MYO1D: variants seen among roughly 807,000 people sequenced by gnomAD.
The protein encoded by MYO1D is myosin ID, also known as unconventional myosin-Id.
A neutral mutation model predicts 122.0 loss-of-function variants in MYO1D; 83 were observed. That is an observed-to-expected ratio of 0.68 (90% CI 0.57 to 0.82). The LOEUF is 0.82. MYO1D is among the 40% of genes least tolerant of loss of function. The pLI, the probability that MYO1D is intolerant of heterozygous loss-of-function variation, is 0.00. For missense variants in MYO1D, 1,157 were observed against 1,269.5 expected (o/e 0.91, Z 1.35); for synonymous variants, 464 against 446.9 (o/e 1.04, Z -0.48).
intron 19 of MYO1D, among the ~76,000 whole-genome samples, chr17:32,642,064 G>A (rs556131372): frequency 6.6e-6 from 1 of 152,272 alleles, no homozygotes; most frequent in South Asian, 2.1e-4. Flanking sequence ...ATGGTTTTAG[G>A]TCTAACATTT....
intron 16 of MYO1D, among the ~76,000 whole-genome samples, chr17:32,660,736 G>A (rs1382799909): frequency 6.6e-6 from 1 of 152,188 alleles, no homozygotes; most frequent in Non-Finnish European, 1.5e-5. Flanking sequence ...CATCTCATGT[G>A]GCGTCAGTAC....
intron 21 of MYO1D, among the ~76,000 whole-genome samples, chr17:32,580,506 T>C (rs1162434250): frequency 1.3e-5 from 2 of 149,514 alleles, no homozygotes; most frequent in Non-Finnish European, 3.0e-5. Flanking sequence ...GCCTCCCAGG[T>C]TCAAGCGATT....
intron 21 of MYO1D, among the ~76,000 whole-genome samples, chr17:32,563,359 A>G (rs1430474924): frequency 6.6e-6 from 1 of 151,268 alleles, no homozygotes; most frequent in East Asian, 1.9e-4. Flanking sequence ...ACAGACACGC[A>G]CCACTGTGCC....
At chr17:32,676,061 T>A (rs2088804574) in intron 16 of MYO1D, among the ~76,000 whole-genome samples, 1 of 152,170 alleles carries the variant, frequency 6.6e-6, no homozygotes, top group Non-Finnish European at 1.5e-5. Flanking sequence ...TCTCTTTTTT[T>A]TGGAGTGATA....
At chr17:32,764,231 A>G (rs924617209) in intron 8 of MYO1D, among the ~76,000 whole-genome samples, 1 of 152,230 alleles carries the variant, frequency 6.6e-6, no homozygotes, top group Non-Finnish European at 1.5e-5. Context: ...AACTCATAGA[A>G]GCAGAGAATA....
chr17:32,845,465 T>C (rs1014031575), intron 1 of MYO1D, among the ~76,000 whole-genome samples: 1 of 152,346 alleles, frequency 6.6e-6, no homozygotes, highest in South Asian at 2.1e-4. Flanking sequence ...TTTCAACTGA[T>C]GATTTCCAAA....
At chr17:32,818,955 G>C (rs2090637326) in intron 1 of MYO1D, among the ~76,000 whole-genome samples, 1 of 152,156 alleles carries the variant, frequency 6.6e-6, no homozygotes. Context: ...TAGAGAGATA[G>C]GTTGACGTTA....
intron 21 of MYO1D, among the ~76,000 whole-genome samples, chr17:32,596,803 C>A (rs538082495): frequency 1.5e-3 from 223 of 152,330 alleles, no homozygotes; most frequent in African/African-American, 5.2e-3. Context: ...GCAGATGGGT[C>A]CTTTGACAGC....
chr17:32,691,889 C>T (rs2089106784), intron 16 of MYO1D, among the ~76,000 whole-genome samples: 2 of 152,150 alleles, frequency 1.3e-5, no homozygotes, highest in African/African-American at 4.8e-5. Context: ...TAGTGTACAT[C>T]CTTAGCAACA....
At chr17:32,517,522 A>G (rs1183239177) in intron 21 of MYO1D, among the ~76,000 whole-genome samples, 1 of 152,142 alleles carries the variant, frequency 6.6e-6, no homozygotes, top group Non-Finnish European at 1.5e-5. Context: ...TACTGGCCCT[A>G]GCAGTGGTCA....
intron 21 of MYO1D, chr17:32,495,880 T>C (rs1909083314): frequency 6.6e-6 from 1 of 152,316 alleles, no homozygotes; most frequent in South Asian, 2.1e-4. Context: ...CCGAAAGCCC[T>C]GGGAATTTTT....
At chr17:32,720,877 A>C (rs1156883578) in intron 15 of MYO1D, 146 bp downstream of exon 15, 8 of 862,740 alleles carry the variant, frequency 9.3e-6, no homozygotes, top group Non-Finnish European at 1.3e-5. Context: ...GAAACTGGGA[A>C]AGTCTTTCAT....
intron 8 of MYO1D, among the ~76,000 whole-genome samples, chr17:32,763,753 C>T (rs1160276695): frequency 6.6e-6 from 1 of 152,026 alleles, no homozygotes; most frequent in Admixed American, 6.6e-5. Context: ...AACCTTGTCT[C>T]TACTAAAAAT....
At chr17:32,853,790 C>T (rs1598157107) in intron 1 of MYO1D, among the ~76,000 whole-genome samples, 1 of 152,128 alleles carries the variant, frequency 6.6e-6, no homozygotes. Context: ...TGAACCAATG[C>T]TCTAGAATCA....
At chr17:32,672,176 T>C (rs1461826955) in intron 16 of MYO1D, among the ~76,000 whole-genome samples, 1 of 152,206 alleles carries the variant, frequency 6.6e-6, no homozygotes, top group African/African-American at 2.4e-5. Flanking sequence ...CAGATGTTTT[T>C]AGCATTTTAC....
intron 1 of MYO1D, among the ~76,000 whole-genome samples, chr17:32,843,051 A>C (rs7212504): frequency 1.3e-5 from 2 of 151,712 alleles, no homozygotes; most frequent in Admixed American, 1.3e-4. Flanking sequence ...ACCATGGGCC[A>C]GCTAATTTTT....
chr17:32,706,424 CACAGAA>C (rs1474673483), intron 16 of MYO1D, among the ~76,000 whole-genome samples: 1 of 151,912 alleles, frequency 6.6e-6, no homozygotes, highest in East Asian at 1.9e-4. Context: ...TCTATTATGG[CACAGAA>C]AAGGTATGAA....
At chr17:32,741,766 C>T (rs1306549052) in intron 13 of MYO1D, among the ~76,000 whole-genome samples, 4 of 152,084 alleles carry the variant, frequency 2.6e-5, no homozygotes, top group Admixed American at 6.5e-5. Flanking sequence ...AAATATTTTT[C>T]ACTTTGGGAG....
intron 21 of MYO1D, 79 bp downstream of exon 21, chr17:32,605,008 C>A (rs1277111648): frequency 2.2e-6 from 3 of 1,359,994 alleles, no homozygotes; most frequent in Admixed American, 2.2e-5. Context: ...AAAATTGGCA[C>A]AAAACAAGCT....
Sources: allele counts gnomAD v4.1 joint callset (sites outside exome capture counted in the v4.1 genomes callset), GRCh38; gene constraint gnomAD v4.1.1; transcripts MANE v1.5; gene names NCBI Gene and HGNC (gene_info 2026-07-23, HGNC 2026-07-21).